SEZ6L: variants seen among roughly 807,000 people sequenced by gnomAD.
SEZ6L encodes seizure 6-like protein.
In SEZ6L, 37 loss-of-function variants were observed where a neutral mutation model predicts 106.2. That is an observed-to-expected ratio of 0.35 (90% CI 0.27 to 0.46). SEZ6L has a LOEUF of 0.46. Ranked by LOEUF, SEZ6L falls within the 20% of genes least tolerant of loss-of-function variation. The pLI is 1.00. For synonymous variants in SEZ6L, 541 were observed against 570.4 expected (o/e 0.95, Z 0.73); for missense variants, 1,172 against 1,332.8 (o/e 0.88, Z 1.88).
At chr22:26,323,122 G>A (rs115096422) in intron 9 of SEZ6L, among the ~76,000 whole-genome samples, 28 of 152,276 alleles carry the variant, frequency 1.8e-4, no homozygotes, top group African/African-American at 6.3e-4. Flanking sequence ...GCTCAGCACG[G>A]GGGCCACAAC....
intron 1 of SEZ6L, among the ~76,000 whole-genome samples, chr22:26,182,008 T>A (rs1275216706): frequency 6.6e-6 from 1 of 152,110 alleles, no homozygotes; most frequent in Non-Finnish European, 1.5e-5. Context: ...GCCCCATAGG[T>A]GCATGTGTTT....
intron 7 of SEZ6L, among the ~76,000 whole-genome samples, chr22:26,311,485 G>T (rs1388325721): frequency 6.6e-6 from 1 of 152,218 alleles, no homozygotes; most frequent in African/African-American, 2.4e-5. Flanking sequence ...GCCATGGGAA[G>T]GATCCATATA....
intron 1 of SEZ6L, among the ~76,000 whole-genome samples, chr22:26,276,219 T>A (rs2080539679): frequency 6.6e-6 from 1 of 152,236 alleles, no homozygotes; most frequent in Admixed American, 6.5e-5. Context: ...AACCCAACCC[T>A]TGCTTTACCC....
chr22:26,337,466 G>A (rs73879872), intron 9 of SEZ6L, among the ~76,000 whole-genome samples: 3,338 of 152,194 alleles, frequency 0.022, 136 homozygotes, highest in African/African-American at 0.075. Flanking sequence ...AGTCTAATCC[G>A]GCACTTTCAT....
chr22:26,369,541 C>G (rs1412643043), intron 13 of SEZ6L, among the ~76,000 whole-genome samples: 1 of 151,268 alleles, frequency 6.6e-6, no homozygotes, highest in African/African-American at 2.4e-5. Context: ...GGGTTTTCAC[C>G]GTGTTAGCCA....
chr22:26,207,055 A>G (rs1050995526), intron 1 of SEZ6L, among the ~76,000 whole-genome samples: 3 of 152,226 alleles, frequency 2.0e-5, no homozygotes, highest in Admixed American at 6.5e-5. Flanking sequence ...CATAAATTCA[A>G]TATTAGCTTT....
intron 1 of SEZ6L, among the ~76,000 whole-genome samples, chr22:26,281,603 C>T (rs1356041669): frequency 2.0e-5 from 3 of 152,104 alleles, no homozygotes; most frequent in Non-Finnish European, 4.4e-5. Context: ...TGGTCTTGAT[C>T]TCCTGACCTC....
chr22:26,299,137 C>A lies in SEZ6L; in HGVS notation c.1316C>A (p.Pro439Gln). Residue 439 changes from proline to glutamine, a missense_variant, in exon 5 of 17, where the codon CCG (proline) becomes CAG (glutamine). Coordinates refer to ENST00000248933, the MANE Select transcript of SEZ6L (RefSeq NM_021115.5). ...KMLTCINASKPHWSSQEPICS... is the reference protein window; with the variant it reads ...KMLTCINASKQHWSSQEPICS... ...CTGACATGCATCAATGCCTCCAAGCCGCACTGGAGCAGCCAGGAGCCCATC... is the reference window on the plus strand; with the variant it reads ...CTGACATGCATCAATGCCTCCAAGCAGCACTGGAGCAGCCAGGAGCCCATC... 1 of 1,572,436 alleles carries A rather than the reference C, an allele frequency of 6.4e-7. No homozygotes were observed.
At chr22:26,370,599 A>C (rs2083997610) in intron 13 of SEZ6L, among the ~76,000 whole-genome samples, 1 of 152,124 alleles carries the variant, frequency 6.6e-6, no homozygotes, top group South Asian at 2.1e-4. Context: ...TCCAGAAGCC[A>C]GTGCTAATCA....
chr22:26,269,336 C>T (rs746084418), intron 1 of SEZ6L, among the ~76,000 whole-genome samples: 9 of 152,118 alleles, frequency 5.9e-5, no homozygotes, highest in Admixed American at 2.0e-4. Flanking sequence ...GTCTTTTACG[C>T]GTGTAGGAGA....
chr22:26,211,383 G>A (rs2078152660), intron 1 of SEZ6L, among the ~76,000 whole-genome samples: 1 of 152,164 alleles, frequency 6.6e-6, no homozygotes, highest in Non-Finnish European at 1.5e-5. Flanking sequence ...CAGAAGCAAG[G>A]CTATGGAGAA....
At position 26,187,749 on chromosome 22, in the gene SEZ6L, T is replaced by G. The variant is rs1939879746; in HGVS notation, c.94+17986T>G. Among the ~76,000 whole-genome samples the G allele has an allele frequency of 2.0e-5, 3 of 152,290 alleles. No homozygotes were observed. In the South Asian group the frequency reaches 6.2e-4, roughly 32 times the overall value. ...CGATCAGACTGTACAGAAAGAATCT[T>G]ATATATATTATCACTGGCTCTCAGT... On this transcript the variant is annotated intron_variant, in intron 1 of 16. Coordinates refer to ENST00000248933, the MANE Select transcript of SEZ6L (RefSeq NM_021115.5).
At chr22:26,266,264 A>G (rs2080174194) in intron 1 of SEZ6L, among the ~76,000 whole-genome samples, 1 of 152,150 alleles carries the variant, frequency 6.6e-6, no homozygotes, top group South Asian at 2.1e-4. Context: ...TGTTAAAAAA[A>G]TCAAAATAAA....
chr22:26,374,576 G>T (rs2084154181), intron 14 of SEZ6L, among the ~76,000 whole-genome samples: 1 of 152,190 alleles, frequency 6.6e-6, no homozygotes, highest in Non-Finnish European at 1.5e-5. Context: ...AAGGGCTGGG[G>T]TTGCTCGGAG....
intron 10 of SEZ6L, 73 bp from the exon 11 acceptor site, chr22:26,347,646 C>T: frequency 7.6e-7 from 1 of 1,318,004 alleles, no homozygotes. Flanking sequence ...GCTCATCCCT[C>T]TAGCCGTCAT....
chr22:26,276,869 AT>A (rs1213559940), intron 1 of SEZ6L, among the ~76,000 whole-genome samples: 2 of 152,204 alleles, frequency 1.3e-5, no homozygotes, highest in African/African-American at 4.8e-5. Context: ...AGTTAATCAG[AT>A]TGCTAAAGAT....
At chr22:26,329,337 G>A (rs963638269) in intron 9 of SEZ6L, among the ~76,000 whole-genome samples, 2 of 152,086 alleles carry the variant, frequency 1.3e-5, no homozygotes, top group African/African-American at 4.8e-5. Context: ...GCTTGGTGGT[G>A]GGTGCCTGTA....
chr22:26,369,539 A>G (rs2083949030), intron 13 of SEZ6L, among the ~76,000 whole-genome samples: 1 of 150,762 alleles, frequency 6.6e-6, no homozygotes, highest in Non-Finnish European at 1.5e-5. Context: ...ACGGGTTTTC[A>G]CCGTGTTAGC....
At chr22:26,224,312 CAGA>C (rs2078572409) in intron 1 of SEZ6L, among the ~76,000 whole-genome samples, 3 of 152,260 alleles carry the variant, frequency 2.0e-5, no homozygotes, top group African/African-American at 4.8e-5. Flanking sequence ...GGGTATGGGG[CAGA>C]AGGAGACCTG....
Sources: gnomAD v4.1 joint callset for allele counts (sites outside exome capture counted in the v4.1 genomes callset) on GRCh38, gnomAD v4.1.1 for gene constraint, MANE v1.5 for transcripts, NCBI Gene and HGNC (gene_info 2026-07-23, HGNC 2026-07-21) for gene names.